The following PKD1L1 variants were observed in gnomAD, a reference collection of about 807,000 sequenced individuals.
PKD1L1 encodes the protein polycystin-1-like protein 1.
Under a neutral mutation model 323.4 loss-of-function variants are expected in PKD1L1, and 236 were observed. The ratio of observed to expected loss-of-function variants is 0.73; its 90% CI spans 0.66 to 0.81. PKD1L1 has a LOEUF of 0.81. PKD1L1 is among the 40% of genes least tolerant of loss of function. The probability of loss-of-function intolerance (pLI) is 0.00; values close to 1 mark genes in which losing one functional copy is unlikely to be tolerated. For missense variants in PKD1L1, 3,320 were observed against 3,508.0 expected (o/e 0.95, Z 1.35); for synonymous variants, 1,344 against 1,335.0 (o/e 1.01, Z -0.15).
At chr7:47,821,299 C>T (rs1785136337) in intron 45 of PKD1L1, 113 bp from the exon 46 acceptor site, 1 of 597,438 alleles carries the variant, frequency 1.7e-6, no homozygotes, top group African/African-American at 1.9e-5. Flanking sequence ...GACGGAGTCT[C>T]ACTCTGTCAC....
intron 8 of PKD1L1, among the ~76,000 whole-genome samples, chr7:47,914,001 G>A (rs1039227285): frequency 1.3e-5 from 2 of 152,030 alleles, no homozygotes; most frequent in Non-Finnish European, 2.9e-5. Flanking sequence ...AAAGGTGAAA[G>A]CATATATGAG....
chr7:47,906,635 T>G (rs549866308), intron 9 of PKD1L1, among the ~76,000 whole-genome samples: 1 of 152,238 alleles, frequency 6.6e-6, no homozygotes, highest in South Asian at 2.1e-4. Context: ...AGCAACTCAT[T>G]TATCATAAAA....
At chr7:47,905,366 G>A in intron 10 of PKD1L1, 41 bp from the exon 11 acceptor site, 1 of 1,593,278 alleles carries the variant, frequency 6.3e-7, no homozygotes, top group Non-Finnish European at 8.6e-7. Flanking sequence ...GTCAACATAG[G>A]AGGGCTGGAA....
chr7:47,913,176 G>A (rs1402568347), intron 8 of PKD1L1, among the ~76,000 whole-genome samples: 5 of 152,098 alleles, frequency 3.3e-5, no homozygotes, highest in East Asian at 1.9e-4. Flanking sequence ...GCACACTGTC[G>A]TTCCAACATA....
At chr7:47,950,881 T>C (rs927343802), upstream of PKD1L1, among the ~76,000 whole-genome samples, 6 of 152,186 alleles carry the variant, frequency 3.9e-5, no homozygotes, top group Admixed American at 3.3e-4. Context: ...CATTGTTTCC[T>C]CAGAGCAGCT....
At chr7:47,880,227 C>T (rs1045742384) in intron 21 of PKD1L1, among the ~76,000 whole-genome samples, 7 of 135,634 alleles carry the variant, frequency 5.2e-5, no homozygotes, top group African/African-American at 2.0e-4. Context: ...TCAACTTGTG[C>T]AGTTGTCTAG....
In PKD1L1 at chr7:47,932,028, C is replaced by G; in HGVS notation, c.427G>C (p.Ala143Pro). The G allele has an allele frequency of 1.9e-6, 3 of 1,612,554 alleles. No homozygotes were observed. Among genetic ancestry groups the G allele is most frequent in the Non-Finnish European group, 2.5e-6 (3 of 1,179,212 alleles). ...GGGCCACCACTGCTCCAGGCCCTTG[C>G]GATTATAATGAAAGGTTTGTGGGGA... is the stretch of plus-strand genomic sequence containing the variant. ...RIPHKPFIII[A>P]RAWSSGGPRF... Residue 143 changes from alanine to proline, a missense_variant, in exon 5 of 57, where the codon GCA (alanine) becomes CCA (proline). Ala to Pro is a conservative substitution (Grantham distance 27). Transcript: ENST00000289672.
chr7:47,811,474 GCA>G (rs1425840570), intron 50 of PKD1L1, among the ~76,000 whole-genome samples: 14 of 152,160 alleles, frequency 9.2e-5, no homozygotes, highest in African/African-American at 3.1e-4. Flanking sequence ...TCTTTTTAAA[GCA>G]CCCAGTGTAG....
rs767806353 is a variant in PKD1L1, at chr7:47,881,905, A to G, written c.3442+4T>C. 5 of 1,588,706 alleles carry G rather than the reference A, an allele frequency of 3.1e-6. No individual in the cohort carries two copies. Among genetic ancestry groups the G allele is most frequent in the Non-Finnish European group, 2.6e-6 (3 of 1,170,856 alleles). On this transcript the variant is annotated splice_donor_region_variant and intron_variant, in intron 20 of 56. Transcript: ENST00000289672. The stretch of plus-strand genomic sequence containing the variant: ...ATTGGAGGGTACAAAGAGGACATTC[A>G]TACCTGAGGATGAATAGCCTTGGAA...
intron 19 of PKD1L1, among the ~76,000 whole-genome samples, chr7:47,883,726 A>C (rs943990603): frequency 2.0e-5 from 3 of 152,224 alleles, no homozygotes; most frequent in African/African-American, 2.4e-5. Flanking sequence ...CTGTTGAAGG[A>C]AACACTGCCT....
chr7:47,873,821 TAAC>T, intron 24 of PKD1L1, 75 bp downstream of exon 24: 7 of 1,111,558 alleles, frequency 6.3e-6, no homozygotes, highest in Non-Finnish European at 9.1e-6. Context: ...TGACGCTTGT[TAAC>T]AACTTGGGGG....
chr7:47,905,112 C>A, intron 11 of PKD1L1, 45 bp downstream of exon 11: 1 of 1,586,970 alleles, frequency 6.3e-7, no homozygotes. Context: ...TGAGTATAGG[C>A]TGCAGTACAA....
chr7:47,887,948 T>C (rs941582922), intron 17 of PKD1L1, 42 bp downstream of exon 17: 1 of 1,570,960 alleles, frequency 6.4e-7, no homozygotes, highest in Non-Finnish European at 8.7e-7. Flanking sequence ...AACCCTGAGT[T>C]TTTCCCTCAG....
At chr7:47,797,068 G>A (rs1188753411) in intron 54 of PKD1L1, among the ~76,000 whole-genome samples, 1 of 151,196 alleles carries the variant, frequency 6.6e-6, no homozygotes, top group Admixed American at 6.6e-5. Flanking sequence ...TACACACCCT[G>A]CAAAACCTCA....
At chr7:47,818,802 T>C (rs1785078460) in intron 46 of PKD1L1, among the ~76,000 whole-genome samples, 1 of 152,356 alleles carries the variant, frequency 6.6e-6, no homozygotes, top group Non-Finnish European at 1.5e-5. Context: ...TATTTGCTGG[T>C]TTATTTTTTG....
At chr7:47,879,430 G>C (rs372972461) in intron 21 of PKD1L1, among the ~76,000 whole-genome samples, 1 of 151,916 alleles carries the variant, frequency 6.6e-6, no homozygotes, top group Non-Finnish European at 1.5e-5. Flanking sequence ...TCATGAGTTC[G>C]AGACCAGCCT....
intron 23 of PKD1L1, among the ~76,000 whole-genome samples, chr7:47,875,210 G>A (rs989983081): frequency 5.3e-5 from 8 of 152,192 alleles, no homozygotes; most frequent in Admixed American, 4.6e-4. Context: ...CTGCTCAGAA[G>A]TTTTGCTCAA....
the PKD1L1 span, among the ~76,000 whole-genome samples, chr7:47,956,641 A>C: frequency 6.6e-6 from 1 of 152,244 alleles, no homozygotes. Context: ...CACAGATATC[A>C]ATGTATAACT....
intron 54 of PKD1L1, among the ~76,000 whole-genome samples, chr7:47,796,943 T>G (rs1584948676): frequency 6.8e-6 from 1 of 146,278 alleles, no homozygotes; most frequent in East Asian, 2.0e-4. Context: ...GAGCTTGCAG[T>G]GAGCAGAGAT....
Sources: allele counts gnomAD v4.1 joint callset (sites outside exome capture counted in the v4.1 genomes callset), GRCh38; gene constraint gnomAD v4.1.1; transcripts MANE v1.5; gene names NCBI Gene and HGNC (gene_info 2026-07-23, HGNC 2026-07-21).